The following AGXT2 variants were observed in gnomAD, a reference collection of about 807,000 sequenced individuals.
AGXT2 encodes alanine--glyoxylate aminotransferase 2.
A neutral mutation model predicts 62.5 loss-of-function variants in AGXT2; 61 were observed. The ratio of observed to expected loss-of-function variants is 0.98; its 90% CI spans 0.79 to 1.21. The LOEUF (loss-of-function observed/expected upper bound fraction) is 1.21. Ranked by LOEUF, AGXT2 falls within the 50% of genes most tolerant of loss-of-function variation. AGXT2 has a pLI of 0.00. For synonymous variants in AGXT2, 243 were observed against 218.7 expected, an observed-to-expected ratio of 1.11 and a Z score of -0.98; for missense variants, 666 against 641.5, an observed-to-expected ratio of 1.04 and a Z score of -0.41.
intron 5 of AGXT2, 133 bp from the exon 6 acceptor site, chr5:35,033,686 A>C (rs1767662599): frequency 1.4e-6 from 1 of 713,786 alleles, no homozygotes; most frequent in Non-Finnish European, 2.5e-6. Context: ...CTAAGAACGC[A>C]TCTAAGCTTA....
rs1204934264 is a variant in AGXT2 at position 35,042,305 on chromosome 5, A to C, written c.89-1642T>G. 2.0e-5 allele frequency among the ~76,000 whole-genome samples: 3 copies of C among 152,310 alleles called. No individual in the cohort carries two copies. The East Asian group carries it at 5.8e-4, about 29-fold the overall frequency. ...CACATGATGGTGGAGTGAGGGCTTC[A>C]AATGAAATACGTGAAATTCTGCAAG... is the stretch of plus-strand genomic sequence containing the variant. On this transcript the variant is annotated intron_variant, in intron 1 of 13. Transcript: ENST00000231420.
chr5:35,031,949 T>A (rs1232867376), intron 7 of AGXT2, among the ~76,000 whole-genome samples: 36 of 142,662 alleles, frequency 2.5e-4, no homozygotes, highest in Admixed American at 8.1e-4. Flanking sequence ...CTTGCTTTTT[T>A]TTTTTTTTTT....
chr5:35,037,903 T>C (rs1349266152), intron 3 of AGXT2, among the ~76,000 whole-genome samples: 1 of 152,202 alleles, frequency 6.6e-6, no homozygotes, highest in Non-Finnish European at 1.5e-5. Context: ...CTGACTTGGC[T>C]TTGAAAACAC....
At chr5:35,035,656 G>A (rs1482366371) in intron 4 of AGXT2, among the ~76,000 whole-genome samples, 1 of 152,114 alleles carries the variant, frequency 6.6e-6, no homozygotes, top group Non-Finnish European at 1.5e-5. Context: ...CCAAAGGTTG[G>A]GTTTCTTGGC....
At chr5:35,003,018 C>T (rs1389859524) in intron 13 of AGXT2, among the ~76,000 whole-genome samples, 2 of 152,144 alleles carry the variant, frequency 1.3e-5, no homozygotes, top group Non-Finnish European at 2.9e-5. Context: ...CAGAAGTTAC[C>T]TTCTCTCTTA....
chr5:35,003,518 G>A (rs533032943), intron 13 of AGXT2, among the ~76,000 whole-genome samples: 3 of 151,640 alleles, frequency 2.0e-5, no homozygotes, highest in Non-Finnish European at 4.4e-5. Context: ...AAAGAGCCGC[G>A]ACAACCAAAC....
intron 7 of AGXT2, among the ~76,000 whole-genome samples, chr5:35,028,558 TGAGAGAGAGAGAGAGAGAGAGAGA>T (rs541190371): frequency 4.5e-3 from 48 of 10,612 alleles, no homozygotes; most frequent in African/African-American, 0.01. Context: ...GCAGGAAAGG[TGAGAGAGAGAGAGAGAGAGAGAGA>T]GAGAGAGAGA....
intron 1 of AGXT2, among the ~76,000 whole-genome samples, chr5:35,045,798 C>G: frequency 8.2e-6 from 1 of 121,872 alleles, no homozygotes; most frequent in Admixed American, 9.9e-5. Context: ...GAAGGAGTCT[C>G]ACTCTGTCGC....
In AGXT2 at chr5:35,022,747, T is replaced by TAA. The variant is rs58539576; in HGVS notation, c.963+3014_963+3015dup. Among the ~76,000 whole-genome samples the TAA allele has an allele frequency of 4.6e-3, 637 of 138,622 alleles. 2 individuals carry two copies. Among genetic ancestry groups the TAA allele is most frequent in the African/African-American group, 0.013 (510 of 37,808 alleles). The allele number at this position is 138,622 out of a possible 152,430, so 90.9% of individuals were successfully genotyped here. Reference sequence around the variant, plus strand: ...ATAATAATAAATAAAAAGAGAGAAGTAAAAAAAAAAAAAAAGGAAAAGAAA... The same window carrying TAA: ...ATAATAATAAATAAAAAGAGAGAAGTAAAAAAAAAAAAAAAAAGGAAAAGAAA... On this transcript the variant is annotated intron_variant, in intron 9 of 13. Coordinates refer to ENST00000231420, the MANE Select transcript of AGXT2 (RefSeq NM_031900.4).
chr5:35,046,871 G>A (rs1346910679), intron 1 of AGXT2, among the ~76,000 whole-genome samples: 4 of 152,184 alleles, frequency 2.6e-5, no homozygotes, highest in African/African-American at 9.7e-5. Flanking sequence ...ATTTGCTGAG[G>A]AGGAGGTGAG....
chr5:35,013,118 A>G (rs1247203621), intron 10 of AGXT2, 73 bp from the exon 11 acceptor site: 1 of 1,298,198 alleles, frequency 7.7e-7, no homozygotes, highest in Non-Finnish European at 1.1e-6. Context: ...CGCCATTTGG[A>G]CTACAGTTAC....
chr5:35,044,406 A>G (rs915378877), intron 1 of AGXT2, among the ~76,000 whole-genome samples: 2 of 152,170 alleles, frequency 1.3e-5, no homozygotes, highest in Non-Finnish European at 2.9e-5. Flanking sequence ...GCTGTTCGGT[A>G]TCATCCGCTC....
At position 35,033,502 on chromosome 5, in the gene AGXT2, C is replaced by T. The variant is rs769196484; in HGVS notation, c.633G>A (p.Gly211=). 1.9e-6 allele frequency: 3 copies of T among 1,613,712 alleles called. No individual in the cohort carries two copies. The African/African-American group carries it at 4.0e-5, about 22-fold the overall frequency. ...SPYTLGLTNV[G]TYKMELPGGT... ...CACCAGGGAGTTCCATCTTGTAGGT[C>T]CCTACGTTTGTCAAGCCAAGTGTGT... Residue 211 remains glycine (G), a synonymous_variant, in exon 6 of 14, where the codon GGG becomes GGA. Coordinates refer to ENST00000231420, the MANE Select transcript of AGXT2 (RefSeq NM_031900.4).
chr5:35,044,069 T>C (rs1227473927), intron 1 of AGXT2, among the ~76,000 whole-genome samples: 1 of 152,174 alleles, frequency 6.6e-6, no homozygotes, highest in Non-Finnish European at 1.5e-5. Context: ...TGCAATCTCA[T>C]TTGATACTTG....
chr5:35,030,235 T>C (rs421655), intron 7 of AGXT2, among the ~76,000 whole-genome samples: 142,690 of 152,154 alleles, frequency 0.94, 67,379 homozygotes, highest in Non-Finnish European at 1. Flanking sequence ...TGGCCGGGCA[T>C]GGTGGCTCAC....
chr5:35,013,512 G>A (rs1178822290), intron 10 of AGXT2, among the ~76,000 whole-genome samples: 2 of 151,952 alleles, frequency 1.3e-5, no homozygotes, highest in African/African-American at 4.8e-5. Flanking sequence ...GGATAGGGGT[G>A]CAGTGGCTCA....
At position 35,013,912 on chromosome 5, in the gene AGXT2, G is replaced by T. The variant is rs1766743034; in HGVS notation, c.1096+75C>A. 4 of 1,599,596 alleles carry T rather than the reference G, an allele frequency of 2.5e-6. No homozygotes were observed. In the South Asian group the frequency reaches 3.3e-5, roughly 13 times the overall value. On this transcript the variant is annotated intron_variant, in intron 10 of 13. Coordinates refer to ENST00000231420, the MANE Select transcript of AGXT2 (RefSeq NM_031900.4). ...CCATGATTGTCTCCAATCTACACAAGTTCCAACACACGTGTTATACCATAG... is the reference window on the plus strand; with the variant it reads ...CCATGATTGTCTCCAATCTACACAATTTCCAACACACGTGTTATACCATAG...
chr5:35,040,798 A>C (rs1767955905), intron 1 of AGXT2, 135 bp from the exon 2 acceptor site: 1 of 754,600 alleles, frequency 1.3e-6, no homozygotes, highest in South Asian at 1.5e-5. Context: ...ATCAGCTTTT[A>C]GTTTGGATTT....
At chr5:35,010,457 A>G (rs1766589797) in intron 11 of AGXT2, among the ~76,000 whole-genome samples, 1 of 152,114 alleles carries the variant, frequency 6.6e-6, no homozygotes, top group Admixed American at 6.6e-5. Flanking sequence ...AGATGGGTGG[A>G]TCACAAGGTC....
Sources: allele counts gnomAD v4.1 joint callset (sites outside exome capture counted in the v4.1 genomes callset), GRCh38; gene constraint gnomAD v4.1.1; transcripts MANE v1.5; gene names NCBI Gene and HGNC (gene_info 2026-07-23, HGNC 2026-07-21).